FFAR4: variants seen among roughly 807,000 people sequenced by gnomAD.
FFAR4 encodes G-protein coupled receptor 120.
FFAR4 carries 19 observed loss-of-function variants against 27.0 expected under a neutral mutation model. That is an observed-to-expected ratio of 0.70 (90% CI 0.49 to 1.03). The LOEUF (loss-of-function observed/expected upper bound fraction) is 1.03, where lower values mean the gene tolerates loss of function less well. FFAR4 is among the 50% of genes least tolerant of loss of function. FFAR4 has a pLI of 0.00. For synonymous variants in FFAR4, 254 were observed against 215.6 expected (o/e 1.18, Z -1.56); for missense variants, 476 against 479.0 (o/e 0.99, Z 0.06).
At chr10:93,578,317 T>A (rs1422146562) in intron 2 of FFAR4, among the ~76,000 whole-genome samples, 2 of 146,122 alleles carry the variant, frequency 1.4e-5, no homozygotes, top group Admixed American at 7.2e-5. Flanking sequence ...CTGTGGAGGC[T>A]GAGGCAGGAG....
At chr10:93,569,381 G>C (rs1461894661) in intron 1 of FFAR4, among the ~76,000 whole-genome samples, 6 of 151,778 alleles carry the variant, frequency 4.0e-5, no homozygotes. Context: ...AAAATTGTGT[G>C]CTGACAGGGA....
chr10:93,575,911 C>T lies in FFAR4; in HGVS notation c.568-180C>T, dbSNP rs184198976. Reference sequence around the variant, plus strand: ...TCATGGCTATTCTGAGGGTCAGGGGCAAGTGCTTTGCAAGTGGGATTGTGG... The same window carrying T: ...TCATGGCTATTCTGAGGGTCAGGGGTAAGTGCTTTGCAAGTGGGATTGTGG... On this transcript the variant is annotated intron_variant, in intron 1 of 2. Coordinates refer to ENST00000371481, the MANE Select transcript of FFAR4 (RefSeq NM_001195755.2). Among the ~76,000 whole-genome samples, 328 of 152,218 alleles carry T rather than the reference C, an allele frequency of 2.2e-3. 2 individuals are homozygous for T. Among genetic ancestry groups the T allele is most frequent in the Non-Finnish European group, 3.6e-3 (245 of 67,998 alleles).
At chr10:93,578,827 A>G (rs1469670503) in intron 2 of FFAR4, among the ~76,000 whole-genome samples, 1 of 152,190 alleles carries the variant, frequency 6.6e-6, no homozygotes, top group African/African-American at 2.4e-5. Flanking sequence ...CATCAAGAAC[A>G]AGGAATTGAT....
chr10:93,583,289 G>T (rs11187524), intron 2 of FFAR4, among the ~76,000 whole-genome samples: 1 of 150,438 alleles, frequency 6.6e-6, no homozygotes, highest in Non-Finnish European at 1.5e-5. Context: ...GATGGCGGGC[G>T]CCTGTAGTCC....
At chr10:93,574,844 A>G (rs2058154149) in intron 1 of FFAR4, among the ~76,000 whole-genome samples, 1 of 152,174 alleles carries the variant, frequency 6.6e-6, no homozygotes, top group Non-Finnish European at 1.5e-5. Flanking sequence ...GGTTGCAGTG[A>G]GCCGAGATCG....
rs2058243722 is a variant in FFAR4, at chr10:93,588,493, A to C, written c.*884A>C. 1 of 151,824 alleles carries C rather than the reference A, an allele frequency of 6.6e-6. No individual in the cohort carries two copies. Among genetic ancestry groups the C allele is most frequent in the South Asian group, 2.1e-4 (1 of 4,810 alleles). The allele number at this position is 151,824 out of a possible 1,614,324, so 9.4% of individuals were successfully genotyped here. ...AAGTAGGATGGCTCTGAAATGTTTG[A>C]GAGTGAGTTCAGGAGTGGTTTACTC... On this transcript the variant is annotated 3_prime_UTR_variant, in exon 3 of 3. Transcript: ENST00000371481.
intron 2 of FFAR4, among the ~76,000 whole-genome samples, chr10:93,582,608 G>A (rs2058204741): frequency 6.6e-6 from 1 of 150,842 alleles, no homozygotes; most frequent in Non-Finnish European, 1.5e-5. Context: ...AGCCCACTTT[G>A]TCTGTCACCC....
chr10:93,579,554 T>C (rs974042885), intron 2 of FFAR4, among the ~76,000 whole-genome samples: 1 of 152,244 alleles, frequency 6.6e-6, no homozygotes, highest in African/African-American at 2.4e-5. Flanking sequence ...CTTCAAACAC[T>C]TACTACACCT....
intron 2 of FFAR4, among the ~76,000 whole-genome samples, chr10:93,582,364 G>A (rs1416950921): frequency 6.6e-6 from 1 of 151,968 alleles, no homozygotes; most frequent in African/African-American, 2.4e-5. Flanking sequence ...GACCAACATG[G>A]AGAAACCCCG....
Position 93,567,292 on chromosome 10 carries a change from G to A in FFAR4, c.567+5G>A. The A allele has an allele frequency of 6.3e-7, 1 of 1,597,000 alleles. No homozygotes were observed. Among genetic ancestry groups the A allele is most frequent in the Non-Finnish European group, 8.5e-7 (1 of 1,178,944 alleles). Reference sequence around the variant, plus strand: ...CGGCTCCCCGGCGCCGACCAGGTGAGCGCCCCTCTGTGTGTGCCGGGCAGG... The same window carrying A: ...CGGCTCCCCGGCGCCGACCAGGTGAACGCCCCTCTGTGTGTGCCGGGCAGG... On this transcript the variant is annotated splice_donor_5th_base_variant and intron_variant, in intron 1 of 2. Transcript: ENST00000371481.
At chr10:93,570,600 C>A (rs1276393401) in intron 1 of FFAR4, among the ~76,000 whole-genome samples, 1 of 152,166 alleles carries the variant, frequency 6.6e-6, no homozygotes, top group Non-Finnish European at 1.5e-5. Context: ...CAGATACTGG[C>A]TCCCTCCCCT....
intron 2 of FFAR4, among the ~76,000 whole-genome samples, chr10:93,580,672 A>G (rs1020181458): frequency 6.6e-6 from 1 of 152,162 alleles, no homozygotes; most frequent in African/African-American, 2.4e-5. Context: ...GTGCTCCAAG[A>G]AATGCCTTTT....
intron 2 of FFAR4, among the ~76,000 whole-genome samples, chr10:93,585,442 G>A (rs186697094): frequency 1.3e-5 from 2 of 152,286 alleles, no homozygotes; most frequent in East Asian, 3.9e-4. Flanking sequence ...CTTTCTTGCT[G>A]GGGCAGGGGC....
chr10:93,584,533 C>T (rs1372265221), intron 2 of FFAR4, among the ~76,000 whole-genome samples: 3 of 152,220 alleles, frequency 2.0e-5, no homozygotes, highest in African/African-American at 2.4e-5. Flanking sequence ...GGCACAGTGC[C>T]GGCCACACGG....
intron 2 of FFAR4, 90 bp from the exon 3 acceptor site, chr10:93,587,130 A>T (rs2058232310): frequency 1.7e-6 from 2 of 1,171,162 alleles, no homozygotes; most frequent in East Asian, 4.7e-5. Context: ...TGCCTTGGGG[A>T]TAGCAGATTC....
intron 2 of FFAR4, among the ~76,000 whole-genome samples, chr10:93,577,159 C>T (rs1373472414): frequency 6.6e-6 from 1 of 152,184 alleles, no homozygotes; most frequent in African/African-American, 2.4e-5. Flanking sequence ...AGTAAGTTGC[C>T]TGCCCAGGCA....
chr10:93,567,581 G>A (rs1489801645), intron 1 of FFAR4, among the ~76,000 whole-genome samples: 12 of 152,200 alleles, frequency 7.9e-5, no homozygotes, highest in Non-Finnish European at 7.3e-5. Context: ...AACTTTGGGG[G>A]TGCAGGGTGG....
intron 1 of FFAR4, among the ~76,000 whole-genome samples, chr10:93,572,155 A>T (rs1028979399): frequency 6.6e-6 from 1 of 152,120 alleles, no homozygotes; most frequent in African/African-American, 2.4e-5. Flanking sequence ...ACCCTTAGTA[A>T]CACACTTCAG....
At chr10:93,579,637 T>G (rs2058187419) in intron 2 of FFAR4, among the ~76,000 whole-genome samples, 2 of 152,232 alleles carry the variant, frequency 1.3e-5, no homozygotes, top group Non-Finnish European at 2.9e-5. Flanking sequence ...GAGGTTTTGG[T>G]TTGTTCACTG....
Sources: gnomAD v4.1 joint callset for allele counts (sites outside exome capture counted in the v4.1 genomes callset) on GRCh38, gnomAD v4.1.1 for gene constraint, MANE v1.5 for transcripts, NCBI Gene and HGNC (gene_info 2026-07-23, HGNC 2026-07-21) for gene names.